LDLRAD4: variants seen among roughly 807,000 people sequenced by gnomAD.
LDLRAD4 encodes the protein low-density lipoprotein receptor class A domain-containing protein 4.
Under a neutral mutation model 17.0 loss-of-function variants are expected in LDLRAD4, and 5 were observed. The ratio of observed to expected loss-of-function variants is 0.29; its 90% CI spans 0.15 to 0.62. The LOEUF is 0.62. LDLRAD4 is among the 20% of genes least tolerant of loss of function. LDLRAD4 has a pLI of 0.84. For synonymous variants in LDLRAD4, 168 were observed against 171.8 expected (o/e 0.98, Z 0.17); for missense variants, 340 against 424.7 (o/e 0.80, Z 1.75).
chr18:13,438,859 T>G (rs1381553919), intron 3 of LDLRAD4, among the ~76,000 whole-genome samples: 1 of 152,258 alleles, frequency 6.6e-6, no homozygotes, highest in Non-Finnish European at 1.5e-5. Context: ...TTTTGACATG[T>G]GTGAATCCCC....
intron 3 of LDLRAD4, among the ~76,000 whole-genome samples, chr18:13,610,555 A>G (rs1431549486): frequency 1.3e-5 from 2 of 151,952 alleles, no homozygotes; most frequent in African/African-American, 2.4e-5. Flanking sequence ...CGAAAGTGCT[A>G]GGATTACAGG....
At chr18:13,447,235 C>G (rs1174203710) in intron 3 of LDLRAD4, among the ~76,000 whole-genome samples, 1 of 151,358 alleles carries the variant, frequency 6.6e-6, no homozygotes, top group Non-Finnish European at 1.5e-5. Context: ...ATATGCCTCT[C>G]TCTGGGTTCG....
chr18:13,638,688 G>C (rs915669092), intron 4 of LDLRAD4, among the ~76,000 whole-genome samples: 1 of 152,154 alleles, frequency 6.6e-6, no homozygotes, highest in East Asian at 1.9e-4. Flanking sequence ...TGAGAGTAAC[G>C]TAACTTAAAA....
chr18:13,402,146 G>A (rs1302333566), intron 2 of LDLRAD4, among the ~76,000 whole-genome samples: 3 of 152,154 alleles, frequency 2.0e-5, no homozygotes, highest in Admixed American at 6.5e-5. Flanking sequence ...AACCAACAAC[G>A]TGCTTTTCCC....
chr18:13,277,057 G>A (rs1206735498), upstream of LDLRAD4, among the ~76,000 whole-genome samples: 1 of 152,170 alleles, frequency 6.6e-6, no homozygotes, highest in Non-Finnish European at 1.5e-5. Context: ...AATGTCTGTA[G>A]GCTCCCAACA....
intron 1 of LDLRAD4, among the ~76,000 whole-genome samples, chr18:13,271,792 A>G (rs1359049763): frequency 6.6e-6 from 1 of 151,604 alleles, no homozygotes; most frequent in Non-Finnish European, 1.5e-5. Flanking sequence ...GCTTTGACTG[A>G]CAGATCTTGG....
intron 1 of LDLRAD4, among the ~76,000 whole-genome samples, chr18:13,283,243 T>C (rs2045393981): frequency 6.6e-6 from 1 of 152,242 alleles, no homozygotes; most frequent in Non-Finnish European, 1.5e-5. Context: ...TTTATGCACA[T>C]TTCTGCAGCC....
intron 1 of LDLRAD4, among the ~76,000 whole-genome samples, chr18:13,226,182 T>TTTTTTTTTTTTTTG (rs2041790156): frequency 8.3e-6 from 1 of 121,154 alleles, no homozygotes; most frequent in Non-Finnish European, 1.7e-5. Flanking sequence ...ATGCCTTGCT[T>TTTTTTTTTTTTTTG]TTTTTTTTTT....
intron 4 of LDLRAD4, among the ~76,000 whole-genome samples, chr18:13,631,476 C>A (rs2041660022): frequency 6.6e-6 from 1 of 152,142 alleles, no homozygotes; most frequent in South Asian, 2.1e-4. Context: ...GAGGTGGGAA[C>A]ACTTCCTAAC....
intron 3 of LDLRAD4, among the ~76,000 whole-genome samples, chr18:13,499,304 T>G (rs2147250889): frequency 7.1e-6 from 1 of 140,362 alleles, no homozygotes; most frequent in East Asian, 2.1e-4. Context: ...TGGAGAATCC[T>G]TCTACTCACA....
intron 1 of LDLRAD4, among the ~76,000 whole-genome samples, chr18:13,305,167 T>C (rs2046837271): frequency 6.6e-6 from 1 of 152,192 alleles, no homozygotes; most frequent in South Asian, 2.1e-4. Flanking sequence ...TAGTCTATTT[T>C]GTCATTTTTA....
In LDLRAD4 at chr18:13,621,063, A is replaced by G. The variant is rs1187444177; in HGVS notation, c.182-54A>G. ...CTGGGGTGGTGACAGTGCCTGGAGA[A>G]TGGGTGGGGACTGGAGGGGCCAGGT... On this transcript the variant is annotated intron_variant, in intron 3 of 5. Transcript: ENST00000359446. The surrounding 1 kb of genome is among the most constrained non-coding windows in gnomAD (Gnocchi z 5.5). 6.2e-7 allele frequency: 1 copy of G among 1,612,248 alleles called. No homozygotes were observed. The highest frequency in any genetic ancestry group is 1.1e-5 in the South Asian group (1 of 91,030).
At chr18:13,408,581 T>A (rs2145651134) in intron 2 of LDLRAD4, among the ~76,000 whole-genome samples, 1 of 152,190 alleles carries the variant, frequency 6.6e-6, no homozygotes, top group African/African-American at 2.4e-5. Context: ...CAAGCAATTC[T>A]CCTGCCTCAG....
intron 2 of LDLRAD4, among the ~76,000 whole-genome samples, chr18:13,422,358 C>A (rs2089551671): frequency 6.6e-6 from 1 of 152,134 alleles, no homozygotes; most frequent in African/African-American, 2.4e-5. Context: ...TTAGTCATTG[C>A]CACTTGCAAA....
intron 3 of LDLRAD4, among the ~76,000 whole-genome samples, chr18:13,554,312 G>A (rs139830260): frequency 4.6e-5 from 7 of 152,316 alleles, no homozygotes; most frequent in African/African-American, 7.2e-5. Context: ...CCATAGCAAT[G>A]TATGAAACTC....
At chr18:13,642,705 G>A in intron 4 of LDLRAD4, 5 of 1,231,624 alleles carry the variant, frequency 4.1e-6, no homozygotes, top group Non-Finnish European at 5.1e-6. Context: ...CCCTCATCGG[G>A]CGGCCACTGA....
At chr18:13,623,163 T>C (rs1312963624) in intron 4 of LDLRAD4, among the ~76,000 whole-genome samples, 1 of 152,236 alleles carries the variant, frequency 6.6e-6, no homozygotes, top group Non-Finnish European at 1.5e-5. Flanking sequence ...GTGTCTTCTG[T>C]GTCATGTGGC....
chr18:13,257,509 C>A (rs2043571008), intron 1 of LDLRAD4, among the ~76,000 whole-genome samples: 1 of 152,210 alleles, frequency 6.6e-6, no homozygotes, highest in Admixed American at 6.5e-5. Context: ...CACTGCCCTG[C>A]CCCATCCATG....
chr18:13,595,764 G>C (rs1452803257), intron 3 of LDLRAD4, among the ~76,000 whole-genome samples: 1 of 152,082 alleles, frequency 6.6e-6, no homozygotes, highest in Non-Finnish European at 1.5e-5. Flanking sequence ...TTAATCATAG[G>C]GTATATATTG....
Sources: allele counts gnomAD v4.1 joint callset (sites outside exome capture counted in the v4.1 genomes callset), GRCh38; gene constraint gnomAD v4.1.1; non-coding constraint Gnocchi (gnomAD v3.1); transcripts MANE v1.5; gene names NCBI Gene and HGNC (gene_info 2026-07-23, HGNC 2026-07-21).